The following CSMD1 variants were observed in gnomAD, a reference collection of about 807,000 sequenced individuals.
CSMD1 encodes CUB and Sushi multiple domains 1.
Under a neutral mutation model 417.5 loss-of-function variants are expected in CSMD1, and 213 were observed. The observed-to-expected ratio is 0.51, with a 90% confidence interval of 0.46 to 0.57. The LOEUF (loss-of-function observed/expected upper bound fraction) is 0.57, where lower values mean the gene tolerates loss of function less well. CSMD1 is among the 20% of genes least tolerant of loss of function. The pLI, the probability that CSMD1 is intolerant of heterozygous loss-of-function variation, is 0.00. For missense variants in CSMD1, 6,923 were observed against 4,529.7 expected (o/e 1.53, Z -15.17); for synonymous variants, 2,862 against 1,736.8 (o/e 1.65, Z -16.11).
chr8:3,493,648 C>T lies in CSMD1; in HGVS notation c.1423G>A (p.Gly475Arg). 6.2e-7 allele frequency: 1 copy of T among 1,611,540 alleles called. No individual in the cohort carries two copies. The highest frequency in any genetic ancestry group is 1.3e-5 in the African/African-American group (1 of 75,006). ...TLTVGDAGKV[G>R]DTRSVLYVLT... Reference sequence around the variant, plus strand: ...ACGTACAAGACCGATCTGGTGTCTCCCACCTTCCCAGCATCACCAACCGTC... The same window carrying T: ...ACGTACAAGACCGATCTGGTGTCTCTCACCTTCCCAGCATCACCAACCGTC... Residue 475 changes from glycine to arginine, a missense_variant, in exon 11 of 70, where the codon GGA (glycine) becomes AGA (arginine). Gly to Arg is a moderately radical substitution (Grantham distance 125). Transcript: ENST00000635120.
intron 5 of CSMD1, among the ~76,000 whole-genome samples, chr8:3,783,226 T>C (rs1437450081): frequency 1.3e-5 from 2 of 152,368 alleles, no homozygotes; most frequent in Middle Eastern, 3.4e-3. Context: ...TAGCAGTGCA[T>C]GGTCAGGCCG....
intron 18 of CSMD1, among the ~76,000 whole-genome samples, chr8:3,381,576 C>G (rs985726213): frequency 6.6e-6 from 1 of 152,026 alleles, no homozygotes; most frequent in African/African-American, 2.4e-5. Context: ...AAAAATATGA[C>G]AAATATTTGC....
At chr8:4,529,843 C>T (rs987461450) in intron 2 of CSMD1, among the ~76,000 whole-genome samples, 1 of 149,718 alleles carries the variant, frequency 6.7e-6, no homozygotes, top group African/African-American at 2.4e-5. Context: ...CATAGGTTAC[C>T]GTCAGGTTGC....
At chr8:4,394,099 C>A (rs1466506931) in intron 3 of CSMD1, among the ~76,000 whole-genome samples, 1 of 152,154 alleles carries the variant, frequency 6.6e-6, no homozygotes, top group Non-Finnish European at 1.5e-5. Context: ...TCTCAGAGCA[C>A]TAACGATTAA....
chr8:4,411,424 C>T (rs1176738690), intron 3 of CSMD1, among the ~76,000 whole-genome samples: 1 of 152,200 alleles, frequency 6.6e-6, no homozygotes, highest in Non-Finnish European at 1.5e-5. Flanking sequence ...AAAAAATACA[C>T]AGCAAAGGAC....
intron 2 of CSMD1, among the ~76,000 whole-genome samples, chr8:4,521,069 T>C (rs1803419175): frequency 6.6e-6 from 1 of 152,198 alleles, no homozygotes; most frequent in African/African-American, 2.4e-5. Flanking sequence ...TGAAAGATAT[T>C]AAAGAGTTCC....
intron 5 of CSMD1, among the ~76,000 whole-genome samples, chr8:3,809,081 A>G (rs1420971660): frequency 6.6e-6 from 1 of 152,150 alleles, no homozygotes; most frequent in African/African-American, 2.4e-5. Context: ...CGCAGCTTCT[A>G]TCATATATGA....
chr8:3,916,455 T>G (rs1449867473), intron 5 of CSMD1, among the ~76,000 whole-genome samples: 4 of 152,168 alleles, frequency 2.6e-5, no homozygotes, highest in African/African-American at 9.7e-5. Flanking sequence ...ACCATGACAT[T>G]ACTTATACAT....
intron 1 of CSMD1, among the ~76,000 whole-genome samples, chr8:4,951,529 G>GAGAAA (rs551688936): frequency 3.9e-4 from 57 of 144,672 alleles, no homozygotes; most frequent in Admixed American, 9.2e-4. Flanking sequence ...AGGGGAGAAA[G>GAGAAA]AGAAAAGAAA....
At chr8:3,284,839 C>T (rs1001527049) in intron 25 of CSMD1, among the ~76,000 whole-genome samples, 1 of 152,208 alleles carries the variant, frequency 6.6e-6, no homozygotes, top group Non-Finnish European at 1.5e-5. Flanking sequence ...GAATGGTCTG[C>T]TCTTGTGTTG....
intron 25 of CSMD1, among the ~76,000 whole-genome samples, chr8:3,301,244 C>A (rs1171197087): frequency 2.0e-5 from 3 of 151,792 alleles, no homozygotes; most frequent in Non-Finnish European, 2.9e-5. Flanking sequence ...TGCAAGGCAG[C>A]GTTTGCAGGG....
intron 2 of CSMD1, among the ~76,000 whole-genome samples, chr8:4,536,617 C>A (rs1028181797): frequency 3.3e-5 from 5 of 152,194 alleles, no homozygotes; most frequent in African/African-American, 4.8e-5. Flanking sequence ...CAAGTGGATA[C>A]TGAGAATAGG....
intron 37 of CSMD1, among the ~76,000 whole-genome samples, chr8:3,170,357 A>G (rs375536030): frequency 0.028 from 4,250 of 152,128 alleles, 257 homozygotes; most frequent in East Asian, 0.19. Flanking sequence ...ACAGGCGCCT[A>G]CCACCATACC....
Position 4,024,511 on chromosome 8 carries a change from G to C in CSMD1, c.610+7394C>G, listed in dbSNP as rs117589018. 4.5e-3 allele frequency among the ~76,000 whole-genome samples: 687 copies of C among 152,278 alleles called. 3 individuals are homozygous for C. Among genetic ancestry groups the C allele is most frequent in the Non-Finnish European group, 7.3e-3 (499 of 68,020 alleles). The stretch of plus-strand genomic sequence containing the variant: ...CAAACTATAGCTGACTTGTTACAAT[G>C]TCCAAGTCAGAAATTTAAATCAGAG... On this transcript the variant is annotated intron_variant, in intron 4 of 69. Transcript: ENST00000635120.
At chr8:3,409,743 T>C (rs529492679) in intron 12 of CSMD1, 138 bp from the exon 13 acceptor site, 1 of 624,162 alleles carries the variant, frequency 1.6e-6, no homozygotes, top group East Asian at 2.8e-5. Flanking sequence ...TAAAGGATAT[T>C]CAATTGATCT....
intron 1 of CSMD1, among the ~76,000 whole-genome samples, chr8:4,852,398 T>C (rs577206549): frequency 6.6e-6 from 1 of 152,230 alleles, no homozygotes; most frequent in South Asian, 2.1e-4. Flanking sequence ...CTCTCTCTCG[T>C]TCTCACTCTT....
At chr8:3,732,979 C>T (rs1048012101) in intron 6 of CSMD1, among the ~76,000 whole-genome samples, 1 of 152,034 alleles carries the variant, frequency 6.6e-6, no homozygotes, top group African/African-American at 2.4e-5. Context: ...ATCTACCAAC[C>T]TACCTACCTA....
At chr8:3,072,998 T>G (rs1813417309) in intron 49 of CSMD1, among the ~76,000 whole-genome samples, 1 of 152,078 alleles carries the variant, frequency 6.6e-6, no homozygotes, top group Non-Finnish European at 1.5e-5. Flanking sequence ...AAAAATAAAA[T>G]CATAAAATTA....
chr8:4,487,827 AG>A (rs34664487), intron 2 of CSMD1, among the ~76,000 whole-genome samples: 90,662 of 151,998 alleles, frequency 0.6, 28,249 homozygotes, highest in Non-Finnish European at 0.68. Context: ...AGAGATAACA[AG>A]GGCTAAACAT....
Sources: gnomAD v4.1 joint callset for allele counts (sites outside exome capture counted in the v4.1 genomes callset) on GRCh38, gnomAD v4.1.1 for gene constraint, MANE v1.5 for transcripts, NCBI Gene and HGNC (gene_info 2026-07-23, HGNC 2026-07-21) for gene names.